The following AFP variants were observed in gnomAD, a reference collection of about 807,000 sequenced individuals.
AFP encodes alpha fetoprotein, also known as alpha-fetoprotein.
Under a neutral mutation model 78.9 loss-of-function variants are expected in AFP, and 64 were observed. That is an observed-to-expected ratio of 0.81 (90% CI 0.66 to 1.00). The LOEUF (loss-of-function observed/expected upper bound fraction) is 1.00. AFP is among the 50% of genes least tolerant of loss of function. The probability of loss-of-function intolerance (pLI) is 0.00; values close to 1 mark genes in which losing one functional copy is unlikely to be tolerated. For synonymous variants in AFP, 254 were observed against 243.8 expected (o/e 1.04, Z -0.39); for missense variants, 689 against 703.8 (o/e 0.98, Z 0.24).
chr4:73,446,885 C>T (rs1719844660), intron 7 of AFP, among the ~76,000 whole-genome samples: 1 of 152,040 alleles, frequency 6.6e-6, no homozygotes, highest in Admixed American at 6.5e-5. Flanking sequence ...ATTGAACAAA[C>T]AGGTAAGTGG....
chr4:73,447,055 C>T (rs2019898), intron 7 of AFP, among the ~76,000 whole-genome samples: 53 of 152,080 alleles, frequency 3.5e-4, no homozygotes, highest in East Asian at 2.5e-3. Context: ...TATGTAACTA[C>T]GGACACTATT....
At chr4:73,437,792 T>G (rs2149332718) in intron 2 of AFP, among the ~76,000 whole-genome samples, 1 of 152,174 alleles carries the variant, frequency 6.6e-6, no homozygotes, top group East Asian at 1.9e-4. Context: ...ATACTGGGAA[T>G]AGACACTGTT....
At chr4:73,446,522 T>C (rs1012686117) in intron 7 of AFP, among the ~76,000 whole-genome samples, 1 of 152,178 alleles carries the variant, frequency 6.6e-6, no homozygotes, top group African/African-American at 2.4e-5. Context: ...GCCACTTAGG[T>C]GCATTGCCAT....
intron 3 of AFP, among the ~76,000 whole-genome samples, chr4:73,438,674 A>G (rs1719580046): frequency 6.6e-6 from 1 of 152,112 alleles, no homozygotes; most frequent in African/African-American, 2.4e-5. Context: ...AACTTTTATT[A>G]TACACACAAT....
At chr4:73,449,493 A>C in intron 9 of AFP, 26 bp downstream of exon 9, 1 of 1,612,782 alleles carries the variant, frequency 6.2e-7, no homozygotes, top group Non-Finnish European at 8.5e-7. Flanking sequence ...ATTTTAGGGG[A>C]GTATGAAAAA....
chr4:73,454,916 A>G (rs1720113367), intron 13 of AFP, among the ~76,000 whole-genome samples: 1 of 152,194 alleles, frequency 6.6e-6, no homozygotes, highest in African/African-American at 2.4e-5. Context: ...TTAGATATAG[A>G]GAACATGAAC....
At chr4:73,449,240 C>A in intron 8 of AFP, 95 bp from the exon 9 acceptor site, 1 of 1,128,758 alleles carries the variant, frequency 8.9e-7, no homozygotes, top group Non-Finnish European at 1.3e-6. Context: ...ATTTAACTTC[C>A]ACATGCCATA....
intron 10 of AFP, 84 bp downstream of exon 10, chr4:73,450,217 A>G (rs1006966749): frequency 4.7e-5 from 54 of 1,147,674 alleles, no homozygotes; most frequent in Non-Finnish European, 6.7e-5. Context: ...TTTGGAAGCA[A>G]CAAGAATGAC....
At chr4:73,450,814 C>T (rs914406669) in intron 11 of AFP, 61 bp downstream of exon 11, 127 of 1,610,814 alleles carry the variant, frequency 7.9e-5, no homozygotes, top group Non-Finnish European at 1.1e-4. Context: ...GAAATAGCCT[C>T]ATAATTCCCC....
chr4:73,453,500 A>T (rs1015556577), intron 12 of AFP: 6 of 413,482 alleles, frequency 1.5e-5, no homozygotes, highest in Non-Finnish European at 2.7e-5. Flanking sequence ...ATGAGGGGAG[A>T]TTGCCTTCCA....
chr4:73,447,330 C>A (rs1719859474), intron 7 of AFP, 132 bp from the exon 8 acceptor site: 4 of 581,380 alleles, frequency 6.9e-6, no homozygotes, highest in Middle Eastern at 4.6e-4. Flanking sequence ...TTCCTTCTTT[C>A]CTGGCCTTTT....
At chr4:73,437,720 T>G (rs1183098772) in intron 2 of AFP, among the ~76,000 whole-genome samples, 1 of 152,074 alleles carries the variant, frequency 6.6e-6, no homozygotes, top group Non-Finnish European at 1.5e-5. Context: ...CATCCAAACC[T>G]GCATAAGGAT....
intron 7 of AFP, among the ~76,000 whole-genome samples, chr4:73,446,789 A>G (rs1269253730): frequency 2.6e-5 from 4 of 152,228 alleles, no homozygotes; most frequent in Admixed American, 2.6e-4. Context: ...CATGCATCCT[A>G]TTTTATTTGA....
chr4:73,445,024 A>G lies in AFP; in HGVS notation c.745A>G (p.Lys249Glu). The change falls in exon 7 of 15, where the codon AAA becomes GAA. Residue 249 changes from lysine (K) to glutamate (E), a missense_variant. By Grantham distance (56) the Lys-to-Glu change is moderately conservative. Coordinates refer to ENST00000395792, the MANE Select transcript of AFP (RefSeq NM_001134.3). ...TVTKLSQKFT[K>E]VNFTEIQKLV... ...TACTAAACTGAGTCAGAAGTTTACC[A>G]AAGTTAATTTTACTGAAATCCAGAA... The G allele has an allele frequency of 6.2e-7, 1 of 1,613,366 alleles. No individual in the cohort carries two copies. The highest frequency in any genetic ancestry group is 2.2e-5 in the East Asian group (1 of 44,864).
At chr4:73,440,384 T>C (rs1260153258) in intron 3 of AFP, among the ~76,000 whole-genome samples, 1 of 152,206 alleles carries the variant, frequency 6.6e-6, no homozygotes, top group Non-Finnish European at 1.5e-5. Flanking sequence ...ATTGCATGGC[T>C]TTTTTCCTTT....
In AFP at chr4:73,447,685, C is replaced by T; in HGVS notation, c.1058+9C>T. Reference sequence around the variant, plus strand: ...AATATCTTCTTGGCAAGGTAACACACTCTGTAAATGCATGTTCATGCAAGT... The same window carrying T: ...AATATCTTCTTGGCAAGGTAACACATTCTGTAAATGCATGTTCATGCAAGT... On this transcript the variant is annotated intron_variant, in intron 8 of 14. Transcript: ENST00000395792. 2 of 1,591,648 alleles carry T rather than the reference C, an allele frequency of 1.3e-6. No homozygotes were observed. Among genetic ancestry groups the T allele is most frequent in the Non-Finnish European group, 1.7e-6 (2 of 1,161,812 alleles).
chr4:73,450,649 C>A lies in AFP; in HGVS notation c.1324C>A (p.Leu442Met). The A allele has an allele frequency of 1.2e-6, 2 of 1,614,188 alleles. No homozygotes were observed. The highest frequency in any genetic ancestry group is 1.7e-6 in the Non-Finnish European group (2 of 1,180,008). ...LVAYTKKAPQ[L>M]TSSELMAITR... ...TGCTTACACAAAGAAAGCCCCCCAG[C>A]TGACCTCGTCGGAGCTGATGGCCAT... Residue 442 changes from leucine to methionine, a missense_variant, in exon 11 of 15, where the codon CTG becomes ATG. Coordinates refer to ENST00000395792, the MANE Select transcript of AFP (RefSeq NM_001134.3).
At chr4:73,454,004 G>A in intron 13 of AFP, 107 bp downstream of exon 13, 1 of 1,368,784 alleles carries the variant, frequency 7.3e-7, no homozygotes, top group Non-Finnish European at 1.0e-6. Flanking sequence ...TTTTCAGAGA[G>A]ATTTAAATTT....
At chr4:73,450,405 T>G in intron 10 of AFP, 1 of 703,964 alleles carries the variant, frequency 1.4e-6, no homozygotes, top group Non-Finnish European at 2.3e-6. Context: ...AGTTTGCTTT[T>G]TCATTGTGAT....
Sources: allele counts gnomAD v4.1 joint callset (sites outside exome capture counted in the v4.1 genomes callset), GRCh38; gene constraint gnomAD v4.1.1; transcripts MANE v1.5; gene names NCBI Gene and HGNC (gene_info 2026-07-23, HGNC 2026-07-21).